Variants in NEB observed in about 807,000 individuals in gnomAD.
The protein encoded by NEB is nemaline myopathy type 2.
Under a neutral mutation model 952.2 loss-of-function variants are expected in NEB, and 512 were observed. The ratio of observed to expected loss-of-function variants is 0.54; its 90% CI spans 0.50 to 0.58. NEB has a LOEUF of 0.58. Ranked by LOEUF, NEB falls within the 20% of genes least tolerant of loss-of-function variation. The pLI is 0.00. For synonymous variants in NEB, 2,900 were observed against 3,149.8 expected (o/e 0.92, Z 2.66); for missense variants, 8,428 against 9,231.1 (o/e 0.91, Z 3.56).
chr2:151,687,862 G>A (rs2099515130), intron 25 of NEB, 129 bp from the exon 26 acceptor site: 3 of 863,656 alleles, frequency 3.5e-6, no homozygotes, highest in Middle Eastern at 2.4e-4. Flanking sequence ...TTATCAAATT[G>A]TAGTATAAGT....
At chr2:151,532,847 A>G (rs1257349996) in intron 143 of NEB, among the ~76,000 whole-genome samples, 1 of 152,122 alleles carries the variant, frequency 6.6e-6, no homozygotes, top group Non-Finnish European at 1.5e-5. Context: ...ACCTTTCAGC[A>G]TGTGCTGGAA....
At chr2:151,601,203 G>A (rs1157991900) in intron 88 of NEB, among the ~76,000 whole-genome samples, 1 of 110,666 alleles carries the variant, frequency 9.0e-6, no homozygotes, top group Non-Finnish European at 1.8e-5. Context: ...CCACCTCCTG[G>A]GTTCAAGTGA....
chr2:151,572,844 C>T (rs951611618), intron 107 of NEB, among the ~76,000 whole-genome samples: 12 of 149,412 alleles, frequency 8.0e-5, no homozygotes, highest in Non-Finnish European at 1.6e-4. Flanking sequence ...GCCACCATGC[C>T]CAGCCAAGTA....
chr2:151,562,005 C>T, intron 121 of NEB, 105 bp downstream of exon 121: 1 of 844,346 alleles, frequency 1.2e-6, no homozygotes. Context: ...TCAGTTAGAG[C>T]CTACACTGTT....
chr2:151,663,227 A>G (rs923488307), intron 45 of NEB, among the ~76,000 whole-genome samples: 33 of 152,168 alleles, frequency 2.2e-4, no homozygotes, highest in Admixed American at 4.6e-4. Flanking sequence ...TCCTCTATTA[A>G]AAGCCTATTA....
At chr2:151,721,890 T>C (rs2150565585) in intron 9 of NEB, among the ~76,000 whole-genome samples, 1 of 152,368 alleles carries the variant, frequency 6.6e-6, no homozygotes, top group East Asian at 1.9e-4. Context: ...ACCTTCTCTA[T>C]TTCCTAACTT....
Position 151,695,714 on chromosome 2 carries a change from A to C in NEB, c.1570-32T>G, listed in dbSNP as rs778577246. The stretch of plus-strand genomic sequence containing the variant: ...CAGAGAGAGAACCAATTAGTTCAGA[A>C]GAATTGTTCCAGAATACAAAAATTC... On this transcript the variant is annotated intron_variant, in intron 17 of 181. Transcript: ENST00000397345. The C allele has an allele frequency of 6.0e-6, 9 of 1,491,816 alleles. 1 individual carries two copies. In the South Asian group the frequency reaches 1.0e-4, roughly 17 times the overall value. 92.4% of individuals were successfully genotyped at this position (1,491,816 alleles called of 1,614,324 possible). A position where few individuals can be genotyped will look rare whatever the true frequency, so the allele number is the denominator to read the frequency against.
Position 151,609,929 on chromosome 2 carries a change from G to A in NEB, c.12210C>T (p.Ala4070=). The part of the protein sequence containing the change: ...SPVDMLSILL[A]KKCQTLVTDI... ...CAGTGACCAAAGTCTGACATTTCTT[G>A]GCCAGCAAGATGCTTAACATGTCCA... Residue 4070 remains alanine, a synonymous_variant, in exon 81 of 182, where the codon GCC becomes GCT. Coordinates refer to ENST00000397345, the MANE Select transcript of NEB (RefSeq NM_001164508.2). The A allele has an allele frequency of 6.2e-7, 1 of 1,613,774 alleles. No individual in the cohort carries two copies. The highest frequency in any genetic ancestry group is 1.3e-5 in the African/African-American group (1 of 74,992).
chr2:151,674,496 G>A lies in NEB; in HGVS notation c.3968C>T (p.Ser1323Leu), dbSNP rs2099343735. ...DAIPITAAKA[S>L]RNIASDYKYK... ...ACTCACATCACTGGCAATGTTTCTCGATGCCTTGGCTGCAGTGATGGGAAT... is the reference window on the plus strand; with the variant it reads ...ACTCACATCACTGGCAATGTTTCTCAATGCCTTGGCTGCAGTGATGGGAAT... Residue 1323 changes from serine (S) to leucine (L), a missense_variant, in exon 36 of 182, where the codon TCG (serine) becomes TTG (leucine). By Grantham distance (145) the Ser-to-Leu change is moderately radical (BLOSUM62 -2). Coordinates refer to ENST00000397345, the MANE Select transcript of NEB (RefSeq NM_001164508.2). The A allele has an allele frequency of 2.5e-6, 4 of 1,613,662 alleles. No homozygotes were observed. The highest frequency in any genetic ancestry group is 2.7e-5 in the African/African-American group (2 of 74,908).
intron 130 of NEB, 80 bp from the exon 131 acceptor site, chr2:151,548,495 G>A (rs913636674): frequency 2.8e-5 from 28 of 999,052 alleles, no homozygotes; most frequent in Non-Finnish European, 4.3e-5. Flanking sequence ...GAAAAGAGAT[G>A]TCACCTTTAT....
At chr2:151,541,787 G>A (rs1481345433) in intron 135 of NEB, among the ~76,000 whole-genome samples, 4 of 152,074 alleles carry the variant, frequency 2.6e-5, no homozygotes, top group Admixed American at 6.5e-5. Flanking sequence ...CTCCTGCTGT[G>A]TTCTTGGTCC....
intron 10 of NEB, among the ~76,000 whole-genome samples, chr2:151,715,634 A>G (rs2099756985): frequency 6.6e-6 from 1 of 152,218 alleles, no homozygotes; most frequent in Admixed American, 6.5e-5. Context: ...AGCTATCTAC[A>G]AGCCAGGAAG....
rs767501380 is a variant in NEB at position 151,680,038 on chromosome 2, A to T, written c.3043-16T>A. Reference sequence around the variant, plus strand: ...TGTAAGCGATCTGAAAGAGAAAAAAATGCATAAACAAACAAATAAAGTAGA... The same window carrying T: ...TGTAAGCGATCTGAAAGAGAAAAAATTGCATAAACAAACAAATAAAGTAGA... On this transcript the variant is annotated splice_polypyrimidine_tract_variant and intron_variant, in intron 30 of 181. Transcript: ENST00000397345. The T allele has an allele frequency of 3.9e-6, 6 of 1,529,944 alleles. No homozygotes were observed. The highest frequency in any genetic ancestry group is 1.4e-5 in the African/African-American group (1 of 73,542). 94.8% of individuals were successfully genotyped at this position (1,529,944 alleles called of 1,614,324 possible). A position where few individuals can be genotyped will look rare whatever the true frequency, so the allele number is the denominator to read the frequency against.
At chr2:151,542,256 G>C (rs2094163229) in intron 135 of NEB, among the ~76,000 whole-genome samples, 1 of 152,124 alleles carries the variant, frequency 6.6e-6, no homozygotes, top group Non-Finnish European at 1.5e-5. Context: ...TGCAAAGGCT[G>C]CTGTTAACTG....
At chr2:151,500,287 CAATT>C (rs1356844891) in intron 168 of NEB, among the ~76,000 whole-genome samples, 1 of 151,996 alleles carries the variant, frequency 6.6e-6, no homozygotes, top group Non-Finnish European at 1.5e-5. Context: ...TTTAAACTGA[CAATT>C]AAAAATATTT....
At chr2:151,610,930 C>T (rs1560402226) in intron 78 of NEB, 64 bp from the exon 79 acceptor site, 3 of 963,634 alleles carry the variant, frequency 3.1e-6, no homozygotes, top group Non-Finnish European at 4.6e-6. Context: ...CTGTTAAAGC[C>T]AATAACATCA....
chr2:151,567,246 A>G lies in NEB; in HGVS notation c.18078T>C (p.Asn6026=). ...QTLVSDIDYR[N]YLHQWMCHPD... is the part of the protein sequence containing the mutation. ...GATGACACATCCATTGGTGCAAGTA[A>G]TTACGATAATCAATATCACTGACAA... The change falls in exon 114 of 182, where the codon AAT becomes AAC. Residue 6026 remains asparagine (N), a synonymous_variant. Coordinates refer to ENST00000397345, the MANE Select transcript of NEB (RefSeq NM_001164508.2). 1 of 1,613,870 alleles carries G rather than the reference A, an allele frequency of 6.2e-7. No homozygotes were observed. The highest frequency in any genetic ancestry group is 8.5e-7 in the Non-Finnish European group (1 of 1,179,810).
At chr2:151,660,818 T>TA (rs2099138252) in intron 46 of NEB, among the ~76,000 whole-genome samples, 1 of 152,198 alleles carries the variant, frequency 6.6e-6, no homozygotes, top group Non-Finnish European at 1.5e-5. Flanking sequence ...ACCAGCACTA[T>TA]ACAATAGAAC....
At position 151,642,659 on chromosome 2, in the gene NEB, T is replaced by A; in HGVS notation, c.8288A>T (p.Glu2763Val). 1 of 1,613,948 alleles carries A rather than the reference T, an allele frequency of 6.2e-7. No individual in the cohort carries two copies. Among genetic ancestry groups the A allele is most frequent in the Non-Finnish European group, 8.5e-7 (1 of 1,179,832 alleles). ...YSEKLYKLGL[E>V]EAKRKGYDMR... Reference sequence around the variant, plus strand: ...GTCATAACCTTTCCTCTTGGCTTCTTCTAGGCCAAGCTTATACAATTTCTA... The same window carrying A: ...GTCATAACCTTTCCTCTTGGCTTCTACTAGGCCAAGCTTATACAATTTCTA... The change falls in exon 60 of 182, where the codon GAA (glutamate) becomes GTA (valine). Residue 2763 changes from glutamate to valine, a missense_variant. Coordinates refer to ENST00000397345, the MANE Select transcript of NEB (RefSeq NM_001164508.2).
Sources: allele counts gnomAD v4.1 joint callset (sites outside exome capture counted in the v4.1 genomes callset), GRCh38; gene constraint gnomAD v4.1.1; transcripts MANE v1.5; gene names NCBI Gene and HGNC (gene_info 2026-07-23, HGNC 2026-07-21).